Variants in RALGPS1 observed in about 807,000 individuals in gnomAD.
RALGPS1 encodes the protein Ral GEF with PH domain and SH3 binding motif 1.
In RALGPS1, 19 loss-of-function variants were observed where a neutral mutation model predicts 78.8. The observed-to-expected ratio is 0.24, with a 90% CI of 0.17 to 0.35. RALGPS1 has a LOEUF of 0.35. RALGPS1 is among the 10% of genes least tolerant of loss of function. RALGPS1 has a pLI of 1.00. For missense variants in RALGPS1, 454 were observed against 688.3 expected (o/e 0.66, Z 3.81); for synonymous variants, 228 against 256.3 (o/e 0.89, Z 1.06).
In RALGPS1 at chr9:127,220,187, A is replaced by G. The variant is rs1207145519; in HGVS notation, c.*1418A>G. The G allele has an allele frequency of 6.6e-6, 1 of 152,250 alleles. No individual in the cohort carries two copies. Among genetic ancestry groups the G allele is most frequent in the African/African-American group, 2.4e-5 (1 of 41,456 alleles). The allele number at this position is 152,250 out of a possible 1,614,324, so 9.4% of individuals were successfully genotyped here. On this transcript the variant is annotated 3_prime_UTR_variant, in exon 19 of 19. Transcript: ENST00000259351. The stretch of plus-strand genomic sequence containing the variant: ...AGTTAACCCTTAAACAGTTTTCTGG[A>G]AGAGACTGAATTTCTGGGTCCTTGC...
intron 14 of RALGPS1, among the ~76,000 whole-genome samples, chr9:127,208,861 G>A (rs1218240953): frequency 6.6e-6 from 1 of 152,224 alleles, no homozygotes; most frequent in Non-Finnish European, 1.5e-5. Context: ...CAAAGGGAGA[G>A]AATGATGGGA....
chr9:126,975,416 T>C (rs1442342502), intron 3 of RALGPS1, among the ~76,000 whole-genome samples: 2 of 152,218 alleles, frequency 1.3e-5, no homozygotes, highest in Non-Finnish European at 2.9e-5. Flanking sequence ...AAGGAAGTTT[T>C]CTCATTTTCA....
intron 5 of RALGPS1, among the ~76,000 whole-genome samples, chr9:127,034,984 G>T (rs772795124): frequency 6.6e-6 from 1 of 152,044 alleles, no homozygotes; most frequent in African/African-American, 2.4e-5. Context: ...TTTCTTTGGG[G>T]AGTCTTCCCT....
chr9:127,049,080 T>C (rs1004155996), intron 5 of RALGPS1, among the ~76,000 whole-genome samples: 7 of 152,228 alleles, frequency 4.6e-5, no homozygotes, highest in African/African-American at 1.7e-4. Context: ...CTATAAAGTT[T>C]AGGGGTTTTA....
chr9:126,994,829 C>T (rs1405985145), intron 4 of RALGPS1, among the ~76,000 whole-genome samples: 1 of 152,144 alleles, frequency 6.6e-6, no homozygotes, highest in Non-Finnish European at 1.5e-5. Context: ...AACAGCTGAT[C>T]TCTTGGCAGA....
chr9:127,005,154 T>C (rs1188323490), intron 4 of RALGPS1, among the ~76,000 whole-genome samples: 1 of 152,194 alleles, frequency 6.6e-6, no homozygotes, highest in Non-Finnish European at 1.5e-5. Flanking sequence ...TGGAAATAAT[T>C]GGCAGCAGTG....
At chr9:127,214,202 T>A (rs907040282) in intron 17 of RALGPS1, 2 of 152,050 alleles carry the variant, frequency 1.3e-5, no homozygotes, top group African/African-American at 4.8e-5. Flanking sequence ...AAAAAAAAAA[T>A]GCATCTTTGT....
chr9:127,178,596 C>T (rs1033828198), intron 11 of RALGPS1: 19 of 620,456 alleles, frequency 3.1e-5, no homozygotes, highest in Non-Finnish European at 3.4e-5. Flanking sequence ...GCCTTCTCCC[C>T]ACTATCACCC....
At chr9:126,967,490 G>A (rs894732483) in intron 3 of RALGPS1, among the ~76,000 whole-genome samples, 4 of 151,990 alleles carry the variant, frequency 2.6e-5, no homozygotes, top group Admixed American at 2.0e-4. Flanking sequence ...TCCTTACTCT[G>A]CTCTGTTTTT....
chr9:127,203,683 TAAATA>T (rs976883757), intron 14 of RALGPS1, among the ~76,000 whole-genome samples: 37 of 152,280 alleles, frequency 2.4e-4, no homozygotes, highest in Admixed American at 1.9e-3. Flanking sequence ...CTCAGAGTCT[TAAATA>T]AGTCCTGTCA....
intron 1 of RALGPS1, among the ~76,000 whole-genome samples, chr9:126,958,495 A>G (rs1337464813): frequency 6.6e-6 from 1 of 152,044 alleles, no homozygotes; most frequent in Non-Finnish European, 1.5e-5. Context: ...TTTTCTGGAC[A>G]TTTCCTAAAA....
intron 4 of RALGPS1, among the ~76,000 whole-genome samples, chr9:127,005,887 A>G (rs770200423): frequency 2.6e-5 from 4 of 152,214 alleles, no homozygotes; most frequent in African/African-American, 4.8e-5. Flanking sequence ...CAAGTCTGCA[A>G]ACCTTCTCCT....
chr9:127,094,158 G>A (rs116846258), intron 8 of RALGPS1, among the ~76,000 whole-genome samples: 3,190 of 152,176 alleles, frequency 0.021, 60 homozygotes, highest in Non-Finnish European at 0.034. Flanking sequence ...CCTCTCACCC[G>A]CCTCACAGTT....
rs567944644 is a variant in RALGPS1, at chr9:127,015,590, G to T, written c.217-18841G>T. On this transcript the variant is annotated intron_variant, in intron 4 of 18. Coordinates refer to ENST00000259351, the MANE Select transcript of RALGPS1 (RefSeq NM_014636.3). ...TCCCACTGTATTCTCGTCCTGCCTG[G>T]TGAGATTTGGGGCTACACGGTTTGG... Among the ~76,000 whole-genome samples the T allele has an allele frequency of 2.0e-5, 3 of 152,212 alleles. No homozygotes were observed. In the East Asian group the frequency reaches 5.8e-4, roughly 29 times the overall value.
intron 4 of RALGPS1, among the ~76,000 whole-genome samples, chr9:126,986,186 G>C (rs2041782162): frequency 6.6e-6 from 1 of 152,240 alleles, no homozygotes; most frequent in Non-Finnish European, 1.5e-5. Flanking sequence ...AAGCCAGGCA[G>C]ACGGTGAGTT....
At chr9:127,117,669 G>A (rs1170987226) in intron 8 of RALGPS1, among the ~76,000 whole-genome samples, 1 of 152,230 alleles carries the variant, frequency 6.6e-6, no homozygotes, top group Admixed American at 6.5e-5. Flanking sequence ...AGAGAAGCTT[G>A]TTTGCTTGAG....
intron 1 of RALGPS1, among the ~76,000 whole-genome samples, chr9:126,950,134 C>T (rs961893200): frequency 7.0e-4 from 106 of 151,642 alleles, no homozygotes; most frequent in African/African-American, 2.4e-3. Context: ...AGATACACGG[C>T]GTTATTTTTG....
chr9:127,054,030 C>T (rs959471025), intron 7 of RALGPS1, among the ~76,000 whole-genome samples: 2 of 152,142 alleles, frequency 1.3e-5, no homozygotes, highest in Non-Finnish European at 2.9e-5. Flanking sequence ...CCTTGGGTGC[C>T]GCCAGGGGCT....
chr9:127,029,090 A>G (rs958142785), intron 4 of RALGPS1, among the ~76,000 whole-genome samples: 1 of 152,184 alleles, frequency 6.6e-6, no homozygotes. Flanking sequence ...CACAGCAGTC[A>G]GTATATATGG....
Sources: gnomAD v4.1 joint callset for allele counts (sites outside exome capture counted in the v4.1 genomes callset) on GRCh38, gnomAD v4.1.1 for gene constraint, MANE v1.5 for transcripts, NCBI Gene and HGNC (gene_info 2026-07-23, HGNC 2026-07-21) for gene names.